The following ADAMTS6 variants were observed in gnomAD, a reference collection of about 807,000 sequenced individuals.
ADAMTS6 encodes ADAM metallopeptidase with thrombospondin type 1 motif 6.
Under a neutral mutation model 144.3 loss-of-function variants are expected in ADAMTS6, and 23 were observed. The observed-to-expected ratio is 0.16, with a 90% CI of 0.11 to 0.23. ADAMTS6 has a LOEUF of 0.23. Among genes scored for constraint, ADAMTS6 ranks in the 10% least tolerant of loss-of-function variants. The probability of loss-of-function intolerance (pLI) is 1.00; values close to 1 mark genes in which losing one functional copy is unlikely to be tolerated. For missense variants in ADAMTS6, 999 were observed against 1,379.6 expected, an observed-to-expected ratio of 0.72 and a Z score of 4.37; for synonymous variants, 444 against 457.5, an observed-to-expected ratio of 0.97 and a Z score of 0.38.
At chr5:65,203,734 G>A (rs1210105005) in intron 20 of ADAMTS6, among the ~76,000 whole-genome samples, 1 of 151,968 alleles carries the variant, frequency 6.6e-6, no homozygotes, top group Non-Finnish European at 1.5e-5. Context: ...AAATCAGGAT[G>A]ATCATGCTTA....
At chr5:65,274,738 G>T (rs1444826823) in intron 11 of ADAMTS6, among the ~76,000 whole-genome samples, 1 of 152,156 alleles carries the variant, frequency 6.6e-6, no homozygotes, top group Non-Finnish European at 1.5e-5. Context: ...AGGCTGGAGT[G>T]CGGTGGCACA....
chr5:65,370,458 C>T (rs1214512224), intron 7 of ADAMTS6, among the ~76,000 whole-genome samples: 1 of 152,120 alleles, frequency 6.6e-6, no homozygotes, highest in Non-Finnish European at 1.5e-5. Flanking sequence ...CATTGCCTCA[C>T]CTGGGAAGCG....
At chr5:65,371,284 G>A (rs1394752155) in intron 7 of ADAMTS6, among the ~76,000 whole-genome samples, 2 of 152,204 alleles carry the variant, frequency 1.3e-5, no homozygotes, top group African/African-American at 2.4e-5. Flanking sequence ...TGACTTTGAC[G>A]AGCTGAGAGA....
chr5:65,222,402 T>C (rs186952064), intron 18 of ADAMTS6, among the ~76,000 whole-genome samples: 7 of 152,286 alleles, frequency 4.6e-5, no homozygotes, highest in East Asian at 1.9e-4. Context: ...CAATTGAATA[T>C]TCATATGAAA....
chr5:65,374,419 T>C (rs1278066611), intron 7 of ADAMTS6, among the ~76,000 whole-genome samples: 2 of 148,602 alleles, frequency 1.3e-5, no homozygotes, highest in Non-Finnish European at 3.0e-5. Context: ...AGTCTCAGGA[T>C]ACAAAATCAA....
chr5:65,478,733 G>A (rs908272903), intron 1 of ADAMTS6, among the ~76,000 whole-genome samples: 1 of 152,132 alleles, frequency 6.6e-6, no homozygotes, highest in Non-Finnish European at 1.5e-5. Context: ...TAAGAACTTT[G>A]GTCATGATAA....
At chr5:65,381,285 G>A (rs978970962) in intron 7 of ADAMTS6, among the ~76,000 whole-genome samples, 5 of 151,848 alleles carry the variant, frequency 3.3e-5, no homozygotes, top group African/African-American at 1.2e-4. Context: ...AGTTAAAAAG[G>A]CAAACATTGT....
intron 11 of ADAMTS6, among the ~76,000 whole-genome samples, chr5:65,274,268 C>T (rs907355402): frequency 1.3e-5 from 2 of 151,838 alleles, no homozygotes; most frequent in Non-Finnish European, 2.9e-5. Flanking sequence ...GGGTTTCAAC[C>T]GCCCCCAAAA....
intron 7 of ADAMTS6, among the ~76,000 whole-genome samples, chr5:65,412,311 C>A (rs1168512432): frequency 6.6e-6 from 1 of 152,000 alleles, no homozygotes; most frequent in African/African-American, 2.4e-5. Flanking sequence ...AAAGTCTCAC[C>A]TGTTCATAGT....
intron 7 of ADAMTS6, among the ~76,000 whole-genome samples, chr5:65,440,429 A>G (rs756584213): frequency 1.8e-4 from 28 of 152,246 alleles, no homozygotes; most frequent in Non-Finnish European, 3.5e-4. Flanking sequence ...ATTCAATGCC[A>G]TGAAACAGAG....
intron 8 of ADAMTS6, among the ~76,000 whole-genome samples, chr5:65,329,888 T>C (rs1746551295): frequency 6.6e-6 from 1 of 152,076 alleles, no homozygotes; most frequent in Non-Finnish European, 1.5e-5. Context: ...TTCATAAAAA[T>C]ATACAAGCAA....
At chr5:65,282,317 T>C (rs1763045060) in intron 11 of ADAMTS6, among the ~76,000 whole-genome samples, 1 of 152,084 alleles carries the variant, frequency 6.6e-6, no homozygotes, top group Non-Finnish European at 1.5e-5. Context: ...GAAAGAGTTA[T>C]TATCTAAAGA....
At chr5:65,422,607 C>A (rs758478879) in intron 7 of ADAMTS6, among the ~76,000 whole-genome samples, 1 of 150,142 alleles carries the variant, frequency 6.7e-6, no homozygotes, top group Admixed American at 6.7e-5. Context: ...GGTGACAGAG[C>A]GAGACTACGT....
intron 15 of ADAMTS6, among the ~76,000 whole-genome samples, chr5:65,238,553 T>C (rs780311639): frequency 2.0e-5 from 3 of 151,672 alleles, no homozygotes; most frequent in Non-Finnish European, 4.4e-5. Context: ...TGAGCCGAGA[T>C]TGCGCCACTG....
chr5:65,314,733 C>G (rs1447410896), intron 9 of ADAMTS6, among the ~76,000 whole-genome samples: 1 of 152,048 alleles, frequency 6.6e-6, no homozygotes, highest in Non-Finnish European at 1.5e-5. Context: ...AATTCTGTGT[C>G]CAGTGAAATT....
At chr5:65,229,516 AAGGTGAGGGAGCT>A (rs1277336565) in intron 15 of ADAMTS6, among the ~76,000 whole-genome samples, 1 of 152,182 alleles carries the variant, frequency 6.6e-6, no homozygotes, top group Admixed American at 6.5e-5. Context: ...TGTTTTAAGG[AAGGTGAGGGAGCT>A]ATAAGAGAAC....
intron 7 of ADAMTS6, among the ~76,000 whole-genome samples, chr5:65,388,290 C>T (rs1752640060): frequency 6.6e-6 from 1 of 152,178 alleles, no homozygotes; most frequent in African/African-American, 2.4e-5. Flanking sequence ...GTTACCATTC[C>T]TACAACTACC....
At chr5:65,474,796 C>CAAAAAAAAAAAAAAAAAAAAAA (rs11330695) in intron 1 of ADAMTS6, among the ~76,000 whole-genome samples, 2 of 78,882 alleles carry the variant, frequency 2.5e-5, no homozygotes, top group Non-Finnish European at 5.1e-5. Context: ...AAACTGTGAC[C>CAAAAAAAAAAAAAAAAAAAAAA]AAAAAAAAAA....
chr5:65,284,984 C>T (rs1164407128), intron 11 of ADAMTS6, among the ~76,000 whole-genome samples: 3 of 152,104 alleles, frequency 2.0e-5, no homozygotes, highest in Admixed American at 1.3e-4. Flanking sequence ...AAGGACATTG[C>T]TACACTGGAG....
Sources: allele counts gnomAD v4.1 joint callset (sites outside exome capture counted in the v4.1 genomes callset), GRCh38; gene constraint gnomAD v4.1.1; transcripts MANE v1.5; gene names NCBI Gene and HGNC (gene_info 2026-07-23, HGNC 2026-07-21).